Variants in CDX2 observed in about 807,000 individuals in gnomAD.
CDX2 encodes the protein caudal type homeobox 2.
In CDX2, 7 loss-of-function variants were observed where a neutral mutation model predicts 25.5. That is an observed-to-expected ratio of 0.27 (90% CI 0.16 to 0.52). The LOEUF is 0.52. Among genes scored for constraint, CDX2 ranks in the 20% least tolerant of loss-of-function variants. The pLI is 0.97. For synonymous variants in CDX2, 222 were observed against 198.6 expected (o/e 1.12, Z -0.99); for missense variants, 375 against 431.4 (o/e 0.87, Z 1.16).
At position 27,968,450 on chromosome 13, in the gene CDX2, C is replaced by T. The variant is rs770750602; in HGVS notation, c.541+16G>A. On this transcript the variant is annotated intron_variant, in intron 1 of 2. Coordinates refer to ENST00000381020, the MANE Select transcript of CDX2 (RefSeq NM_001265.6). ...CCTTCCCAAGCACCCTCCGAAGGGGCGCAGCCTCTGCTTACCTTGGCTGCC... is the reference window on the plus strand; with the variant it reads ...CCTTCCCAAGCACCCTCCGAAGGGGTGCAGCCTCTGCTTACCTTGGCTGCC... 23 of 1,515,876 alleles carry T rather than the reference C, an allele frequency of 1.5e-5. No individual in the cohort carries two copies. In the East Asian group the frequency reaches 3.9e-4, roughly 26 times the overall value. 93.9% of individuals were successfully genotyped at this position (1,515,876 alleles called of 1,614,324 possible). A position where few individuals can be genotyped will look rare whatever the true frequency, so the allele number is the denominator to read the frequency against.
intron 1 of CDX2, among the ~76,000 whole-genome samples, chr13:27,965,410 T>C (rs908764817): frequency 6.6e-6 from 1 of 152,088 alleles, no homozygotes; most frequent in African/African-American, 2.4e-5. Context: ...CTACCAGAGA[T>C]GGAAGCCCAC....
rs1869105977 is a variant in CDX2 at position 27,962,598 on chromosome 13, A to G, written c.*517T>C. On this transcript the variant is annotated 3_prime_UTR_variant, in exon 3 of 3. Transcript: ENST00000381020. ...GGGTTCTGCAGTCTTTGGTCAGTCC[A>G]GCTTTCTATCTTAGCTGCCTTTGGC... 5 of 233,454 alleles carry G rather than the reference A, an allele frequency of 2.1e-5. No individual in the cohort carries two copies. In the Admixed American group the frequency reaches 2.8e-4, roughly 13 times the overall value. 14.5% of individuals were successfully genotyped at this position (233,454 alleles called of 1,614,324 possible). A position where few individuals can be genotyped will look rare whatever the true frequency, so the allele number is the denominator to read the frequency against.
rs765521027 is a variant in CDX2, at chr13:27,964,917, G to A, written c.640C>T (p.Arg214Trp). 3.7e-6 allele frequency: 6 copies of A among 1,614,108 alleles called. No homozygotes were observed. Among genetic ancestry groups the A allele is most frequent in the Admixed American group, 3.3e-5 (2 of 60,026 alleles). Residue 214 changes from arginine to tryptophan, a missense_variant, in exon 2 of 3, where the codon CGG becomes TGG. Transcript: ENST00000381020. The surrounding 1 kb of genome is among the most constrained non-coding windows in gnomAD (Gnocchi z 4.7). ...GTGGCGGCTAGCTCGGCTTTCCTCC[G>A]GATGGTGATGTAGCGACTGTAGTGA... ...EFHYSRYITI[R>W]RKAELAATLG...
chr13:27,965,002 C>T lies in CDX2; in HGVS notation c.555G>A (p.Thr185=), dbSNP rs747590531. The part of the protein sequence containing the change: ...QSLGSQVKTR[T]KDKYRVVYTD... ...TGTACACCACTCGATATTTGTCTTT[C>T]GTCCTGGTTTTCACTGTGGAGGAAG... The change falls in exon 2 of 3, where the codon ACG becomes ACA. Residue 185 remains threonine, a synonymous_variant. Coordinates refer to ENST00000381020, the MANE Select transcript of CDX2 (RefSeq NM_001265.6). 1.5e-5 allele frequency: 24 copies of T among 1,613,920 alleles called. No individual in the cohort carries two copies. The highest frequency in any genetic ancestry group is 1.1e-4 in the African/African-American group (8 of 74,930).
rs74041505 is a variant in CDX2, at chr13:27,968,090, G to T, written c.541+376C>A. 9.9e-4 allele frequency among the ~76,000 whole-genome samples: 151 copies of T among 152,350 alleles called. 2 individuals carry two copies. In the East Asian group the frequency reaches 0.025, roughly 25 times the overall value. On this transcript the variant is annotated intron_variant, in intron 1 of 2. Transcript: ENST00000381020. ...TTCGAGCCTCCCTCTCTCCTCGGCG[G>T]CCAGGAGCCACGCAAGGAATGCATG...
rs1207452906 is a variant in CDX2, at chr13:27,964,801, CA to C, written c.687+68del. On this transcript the variant is annotated intron_variant, in intron 2 of 2. Transcript: ENST00000381020. The surrounding 1 kb of genome is among the most constrained non-coding windows in gnomAD (Gnocchi z 4.7). The stretch of plus-strand genomic sequence containing the variant: ...CACAGATTTAGATGGCCCCTGCAGC[CA>C]GATTTTCTAACTCTCATGGTCCTCT... 2 of 1,515,812 alleles carry C rather than the reference CA, an allele frequency of 1.3e-6. No individual in the cohort carries two copies. Among genetic ancestry groups the C allele is most frequent in the East Asian group, 4.6e-5 (2 of 43,952 alleles). 93.9% of individuals were successfully genotyped at this position (1,515,812 alleles called of 1,614,324 possible).
rs1260518821 is a variant in CDX2 at position 27,961,474 on chromosome 13, G to A, written c.*1641C>T. 6.6e-6 allele frequency among the ~76,000 whole-genome samples: 1 copy of A among 152,170 alleles called. No individual in the cohort carries two copies. Among genetic ancestry groups the A allele is most frequent in the Non-Finnish European group, 1.5e-5 (1 of 68,038 alleles). On this transcript the variant is annotated 3_prime_UTR_variant, in exon 3 of 3. Coordinates refer to ENST00000381020, the MANE Select transcript of CDX2 (RefSeq NM_001265.6). ...GCTGCAGCCCGGTCCCCAGTGGATCGGCCAGATAACAAGAAACTGTCACTA... is the reference window on the plus strand; with the variant it reads ...GCTGCAGCCCGGTCCCCAGTGGATCAGCCAGATAACAAGAAACTGTCACTA...
rs1331403422 is a variant in CDX2 at position 27,961,139 on chromosome 13, C to A, written c.*1976G>T. On this transcript the variant is annotated 3_prime_UTR_variant, in exon 3 of 3. Coordinates refer to ENST00000381020, the MANE Select transcript of CDX2 (RefSeq NM_001265.6). ...CCCGGCACCCCCCGACCCCACGCCC[C>A]GCACTCCTCCCTCTGGCTTCGAGGC... Among the ~76,000 whole-genome samples the A allele has an allele frequency of 6.6e-6, 1 of 152,162 alleles. No individual in the cohort carries two copies. Among genetic ancestry groups the A allele is most frequent in the Non-Finnish European group, 1.5e-5 (1 of 68,034 alleles).
Position 27,969,159 on chromosome 13 carries a change from C to T in CDX2, c.-153G>A, listed in dbSNP as rs1869511597. 1 of 573,764 alleles carries T rather than the reference C, an allele frequency of 1.7e-6. No homozygotes were observed. 35.5% of individuals were successfully genotyped at this position (573,764 alleles called of 1,614,324 possible). Reference sequence around the variant, plus strand: ...GGTGCTCCGCTGGCTCCTCGCGGCTCTTCTGCCTCCGAGGCGGTCCCTCCC... The same window carrying T: ...GGTGCTCCGCTGGCTCCTCGCGGCTTTTCTGCCTCCGAGGCGGTCCCTCCC... On this transcript the variant is annotated 5_prime_UTR_variant, in exon 1 of 3. Coordinates refer to ENST00000381020, the MANE Select transcript of CDX2 (RefSeq NM_001265.6).
rs1442648010 is a variant in CDX2, at chr13:27,962,257, ACT to A, written c.*856_*857del. On this transcript the variant is annotated 3_prime_UTR_variant, in exon 3 of 3. Coordinates refer to ENST00000381020, the MANE Select transcript of CDX2 (RefSeq NM_001265.6). ...CCCATGGATCCAGAAGGCTTTAAAA[ACT>A]CTGGCTTGGATGTTACACAGACCAA... 8.7e-6 allele frequency: 2 copies of A among 229,120 alleles called. No individual in the cohort carries two copies. Among genetic ancestry groups the A allele is most frequent in the Non-Finnish European group, 1.7e-5 (2 of 115,714 alleles). 14.2% of individuals were successfully genotyped at this position (229,120 alleles called of 1,614,324 possible). A position where few individuals can be genotyped will look rare whatever the true frequency, so the allele number is the denominator to read the frequency against.
In CDX2 at chr13:27,968,876, T is replaced by C; in HGVS notation, c.131A>G (p.His44Arg). ...TGCCGCTGCAGCTGCGGCCGCCACG[T>C]GGTAACCGCCGTAGTCCGGGTACTG... ...PPQYPDYGGY[H>R]VAAAAAAAAN... The change falls in exon 1 of 3, where the codon CAC becomes CGC. Residue 44 changes from histidine to arginine, a missense_variant. By Grantham distance (29) the His-to-Arg change is conservative. This residue lies in a region of CDX2 where 253 missense variants were observed against 247.5 expected (regional missense o/e 1.02). Coordinates refer to ENST00000381020, the MANE Select transcript of CDX2 (RefSeq NM_001265.6). The C allele has an allele frequency of 1.9e-6, 3 of 1,601,788 alleles. No individual in the cohort carries two copies. The highest frequency in any genetic ancestry group is 2.6e-6 in the Non-Finnish European group (3 of 1,175,564).
rs907466834 is a variant in CDX2, at chr13:27,961,411, G to A, written c.*1704C>T. On this transcript the variant is annotated 3_prime_UTR_variant, in exon 3 of 3. Transcript: ENST00000381020. Reference sequence around the variant, plus strand: ...CCCCTCGCCCGGGTCCTGCCGGAAAGTTCAGCTCGGCGGCCTCCAGGATCA... The same window carrying A: ...CCCCTCGCCCGGGTCCTGCCGGAAAATTCAGCTCGGCGGCCTCCAGGATCA... Among the ~76,000 whole-genome samples the A allele has an allele frequency of 6.6e-6, 1 of 152,232 alleles. No homozygotes were observed. The highest frequency in any genetic ancestry group is 1.5e-5 in the Non-Finnish European group (1 of 68,042).
At chr13:27,966,556 C>T (rs1359186192) in intron 1 of CDX2, among the ~76,000 whole-genome samples, 1 of 152,200 alleles carries the variant, frequency 6.6e-6, no homozygotes, top group African/African-American at 2.4e-5. Context: ...GCCGAACACC[C>T]CGGGAGGGAG....
chr13:27,967,493 A>G (rs1354857892), intron 1 of CDX2, among the ~76,000 whole-genome samples: 1 of 152,178 alleles, frequency 6.6e-6, no homozygotes, highest in Non-Finnish European at 1.5e-5. Flanking sequence ...CTGGGGAAAG[A>G]CTTTAAAAGG....
chr13:27,963,256 A>AGGCTGTGGTGGCGGCGGAGGC lies in CDX2; in HGVS notation c.780_800dup (p.Pro262_Pro268dup), dbSNP rs1021116136. Reference sequence around the variant, plus strand: ...TCAGAGGACCTGGCTGAGGCTGGGGAGGCTGTGGTGGCGGCGGAGGCGGCT... The same window carrying AGGCTGTGGTGGCGGCGGAGGC: ...TCAGAGGACCTGGCTGAGGCTGGGGAGGCTGTGGTGGCGGCGGAGGCGGCTGTGGTGGCGGCGGAGGCGGCT... On this transcript the variant is annotated inframe_insertion, in exon 3 of 3. Coordinates refer to ENST00000381020, the MANE Select transcript of CDX2 (RefSeq NM_001265.6). The AGGCTGTGGTGGCGGCGGAGGC allele has an allele frequency of 6.2e-7, 1 of 1,613,972 alleles. No individual in the cohort carries two copies. Among genetic ancestry groups the AGGCTGTGGTGGCGGCGGAGGC allele is most frequent in the Non-Finnish European group, 8.5e-7 (1 of 1,179,962 alleles).
rs1566036329 is a variant in CDX2, at chr13:27,964,882, G to C, written c.675C>G (p.Leu225=). The C allele has an allele frequency of 1.2e-6, 2 of 1,614,084 alleles. No homozygotes were observed. Among genetic ancestry groups the C allele is most frequent in the Non-Finnish European group, 8.5e-7 (1 of 1,180,018 alleles). The change falls in exon 2 of 3, where the codon CTC becomes CTG. Residue 225 remains leucine (L), a synonymous_variant. Transcript: ENST00000381020. The surrounding 1 kb of genome is among the most constrained non-coding windows in gnomAD (Gnocchi z 4.7). ...AGGCGGTCCCCACCTGCCTCTCAGAGAGCCCCAGCGTGGCGGCTAGCTCGG... is the reference window on the plus strand; with the variant it reads ...AGGCGGTCCCCACCTGCCTCTCAGACAGCCCCAGCGTGGCGGCTAGCTCGG... ...RKAELAATLG[L]SERQVKIWFQ...
intron 1 of CDX2, among the ~76,000 whole-genome samples, chr13:27,966,940 C>T (rs999759946): frequency 6.6e-6 from 1 of 152,006 alleles, no homozygotes; most frequent in African/African-American, 2.4e-5. Flanking sequence ...GGCCACCCCA[C>T]ATTAACATCA....
Position 27,963,247 on chromosome 13 carries a change from A to G in CDX2, c.810T>C (p.Pro270=). ...GGACACTTCTCAGAGGACCTGGCTGAGGCTGGGGAGGCTGTGGTGGCGGCG... is the reference window on the plus strand; with the variant it reads ...GGACACTTCTCAGAGGACCTGGCTGGGGCTGGGGAGGCTGTGGTGGCGGCG... ...PPPPPPQPPQ[P]QPGPLRSVPE... The change falls in exon 3 of 3, where the codon CCT becomes CCC. Residue 270 remains proline, a synonymous_variant. Transcript: ENST00000381020. The G allele has an allele frequency of 6.2e-7, 1 of 1,614,108 alleles. No individual in the cohort carries two copies. Among genetic ancestry groups the G allele is most frequent in the Non-Finnish European group, 8.5e-7 (1 of 1,179,978 alleles).
Position 27,964,862 on chromosome 13 carries a change from G to A in CDX2, c.687+8C>T, listed in dbSNP as rs781315595. ...TGGCCCGCCCGGAGGGAGCTAGGCGGTCCCCACCTGCCTCTCAGAGAGCCC... is the reference window on the plus strand; with the variant it reads ...TGGCCCGCCCGGAGGGAGCTAGGCGATCCCCACCTGCCTCTCAGAGAGCCC... On this transcript the variant is annotated splice_region_variant and intron_variant, in intron 2 of 2. Transcript: ENST00000381020. This position sits in a 1 kb window ranked among gnomAD's most constrained non-coding sequence, Gnocchi z 4.7. The A allele has an allele frequency of 8.7e-6, 14 of 1,613,492 alleles. No homozygotes were observed. The highest frequency in any genetic ancestry group is 1.7e-4 in the Middle Eastern group (1 of 5,968).
Sources: gnomAD v4.1 joint callset for allele counts (sites outside exome capture counted in the v4.1 genomes callset) on GRCh38, gnomAD v4.1.1 for gene constraint, gnomAD v4.1.1 regional missense constraint, Gnocchi (gnomAD v3.1) non-coding constraint, MANE v1.5 for transcripts, NCBI Gene and HGNC (gene_info 2026-07-23, HGNC 2026-07-21) for gene names.